Variants in CNKSR3 observed in about 807,000 individuals in gnomAD.
CNKSR3 encodes the protein connector enhancer of kinase suppressor of ras 3.
CNKSR3 carries 36 observed loss-of-function variants against 67.7 expected under a neutral mutation model. The ratio of observed to expected loss-of-function variants is 0.53; its 90% CI spans 0.41 to 0.70. The LOEUF (loss-of-function observed/expected upper bound fraction) is 0.70, where lower values mean the gene tolerates loss of function less well. CNKSR3 is among the 30% of genes least tolerant of loss of function. The probability of loss-of-function intolerance (pLI) is 0.00; values close to 1 mark genes in which losing one functional copy is unlikely to be tolerated. For synonymous variants in CNKSR3, 281 were observed against 271.4 expected (o/e 1.04, Z -0.35); for missense variants, 630 against 695.2 (o/e 0.91, Z 1.05).
chr6:154,450,759 C>A (rs1785810192), intron 1 of CNKSR3, among the ~76,000 whole-genome samples: 1 of 152,180 alleles, frequency 6.6e-6, no homozygotes, highest in Non-Finnish European at 1.5e-5. Context: ...CAATCAGAAT[C>A]TTCCTTGATA....
chr6:154,510,343 CCCG>C lies in CNKSR3; in HGVS notation c.-232_-230del. On this transcript the variant is annotated 5_prime_UTR_variant, in exon 1 of 13. Coordinates refer to ENST00000607772, the MANE Select transcript of CNKSR3 (RefSeq NM_173515.4). ...CAGTCCAGCTGCAGCTCCTCCTTCC[CCCG>C]CCGCCGCCGGGATCCCGGGCACAGC... 2.0e-5 allele frequency: 11 copies of C among 546,636 alleles called. No individual in the cohort carries two copies. The highest frequency in any genetic ancestry group is 4.4e-5 in the South Asian group (2 of 45,792). 33.9% of individuals were successfully genotyped at this position (546,636 alleles called of 1,614,324 possible).
chr6:154,447,526 A>C (rs977070694), intron 2 of CNKSR3, among the ~76,000 whole-genome samples: 2 of 152,172 alleles, frequency 1.3e-5, no homozygotes, highest in African/African-American at 4.8e-5. Context: ...AGCCAAAGTC[A>C]ATGTTCACAA....
chr6:154,496,771 G>A lies in CNKSR3; in HGVS notation c.52+13292C>T, dbSNP rs140746434. 8.6e-4 allele frequency among the ~76,000 whole-genome samples: 131 copies of A among 152,300 alleles called. 1 individual carries two copies. The East Asian group carries it at 0.018, about 21-fold the overall frequency. ...GATACACTATTCTCTAGAATTTTGA[G>A]TGGTAAGATTACAGGTTAAAATTAA... On this transcript the variant is annotated intron_variant, in intron 1 of 12. Transcript: ENST00000607772.
rs1784683459 is a variant in CNKSR3 at position 154,398,422 on chromosome 6, T to C, written c.*7932A>G. ...TCTCTCCCATAGCTTCTCTTTCCTTTTCACTTCCTGGACCTACCAAAGCCT... is the reference window on the plus strand; with the variant it reads ...TCTCTCCCATAGCTTCTCTTTCCTTCTCACTTCCTGGACCTACCAAAGCCT... On this transcript the variant is annotated 3_prime_UTR_variant, in exon 13 of 13. Transcript: ENST00000607772. 1 of 152,236 alleles carries C rather than the reference T, an allele frequency of 6.6e-6. No individual in the cohort carries two copies. The highest frequency in any genetic ancestry group is 2.4e-5 in the African/African-American group (1 of 41,458). 9.4% of individuals were successfully genotyped at this position (152,236 alleles called of 1,614,324 possible).
chr6:154,493,620 G>A (rs1486778497), intron 1 of CNKSR3, among the ~76,000 whole-genome samples: 1 of 152,170 alleles, frequency 6.6e-6, no homozygotes, highest in Non-Finnish European at 1.5e-5. Context: ...AAAACTACCT[G>A]AGACTGGGTA....
intron 1 of CNKSR3, among the ~76,000 whole-genome samples, chr6:154,497,633 A>C (rs1327088702): frequency 6.6e-6 from 1 of 152,236 alleles, no homozygotes; most frequent in Non-Finnish European, 1.5e-5. Context: ...TCAAAATGTC[A>C]TTCACAATAA....
chr6:154,450,002 G>C (rs1582870381), intron 2 of CNKSR3, 93 bp downstream of exon 2: 1 of 1,175,372 alleles, frequency 8.5e-7, no homozygotes, highest in East Asian at 2.5e-5. Context: ...ATTAAGGAAA[G>C]AGTGATATGC....
At chr6:154,498,266 T>A (rs901841505) in intron 1 of CNKSR3, among the ~76,000 whole-genome samples, 1 of 152,170 alleles carries the variant, frequency 6.6e-6, no homozygotes, top group African/African-American at 2.4e-5. Flanking sequence ...ACAGGTGCGC[T>A]TCTCACTGGA....
chr6:154,454,218 T>A, intron 1 of CNKSR3, among the ~76,000 whole-genome samples: 1 of 152,134 alleles, frequency 6.6e-6, no homozygotes, highest in African/African-American at 2.4e-5. Flanking sequence ...CTCAGCTGTC[T>A]CATTTGTAAA....
chr6:154,422,647 T>G lies in CNKSR3; in HGVS notation c.804A>C (p.Gly268=), dbSNP rs1362494086. The change falls in exon 9 of 13, where the codon GGA becomes GGC. Residue 268 remains glycine, a synonymous_variant. Coordinates refer to ENST00000607772, the MANE Select transcript of CNKSR3 (RefSeq NM_173515.4). ...TCTTCACCAGATTTTTCAGCTGCCA[T>G]CCCACCTTCAAAGAAAGCAAATGGG... ...VIQVNQQTVV[G]WQLKNLVKKL... is the part of the protein sequence containing the mutation. 6.2e-7 allele frequency: 1 copy of G among 1,613,104 alleles called. No homozygotes were observed. Among genetic ancestry groups the G allele is most frequent in the East Asian group, 2.2e-5 (1 of 44,886 alleles).
Position 154,442,239 on chromosome 6 carries a change from C to T in CNKSR3, c.268G>A (p.Ala90Thr), listed in dbSNP as rs1368919042. The change falls in exon 3 of 13, where the codon GCA becomes ACA. Residue 90 changes from alanine (A) to threonine (T), a missense_variant. Around this residue, in one of 3 missense-constraint regions of CNKSR3, gnomAD observed 189 missense variants for 205.0 expected, o/e 0.92. Transcript: ENST00000607772. ...NMKNLVLKLR[A>T]SSHNLQNYIS... ...TAATTCTGTAAATTGTGGGAAGATG[C>T]TCTCAGTTTCAGAACCAAGTTCTTC... 1.9e-6 allele frequency: 3 copies of T among 1,614,144 alleles called. No individual in the cohort carries two copies. Among genetic ancestry groups the T allele is most frequent in the Admixed American group, 1.7e-5 (1 of 60,020 alleles).
At chr6:154,422,280 C>T (rs1353220078) in intron 9 of CNKSR3, among the ~76,000 whole-genome samples, 4 of 152,176 alleles carry the variant, frequency 2.6e-5, no homozygotes, top group South Asian at 2.1e-4. Flanking sequence ...CGTGAGCCAC[C>T]GCGCCTGGCC....
At chr6:154,443,035 T>C (rs1249816080) in intron 2 of CNKSR3, among the ~76,000 whole-genome samples, 4 of 152,066 alleles carry the variant, frequency 2.6e-5, no homozygotes, top group African/African-American at 9.7e-5. Context: ...ATAGCTGGGA[T>C]TACAGGCGCG....
chr6:154,406,539 G>A lies in CNKSR3; in HGVS notation c.1483C>T (p.Arg495Trp), dbSNP rs769891155. ...CTTCCTCGGATGTAGTCCGCACCCC[G>A]GACCAGATGCCGCTCGGTCGTGGGT... ...SRPTTERHLV[R>W]GADYIRGSRC... is the part of the protein sequence containing the mutation. The change falls in exon 13 of 13, where the codon CGG (arginine) becomes TGG (tryptophan). Residue 495 changes from arginine to tryptophan, a missense_variant. By Grantham distance (101) the Arg-to-Trp change is moderately radical (BLOSUM62 -3). Transcript: ENST00000607772. 37 of 1,614,092 alleles carry A rather than the reference G, an allele frequency of 2.3e-5. No individual in the cohort carries two copies. In the African/African-American group the frequency reaches 3.1e-4, roughly 13 times the overall value.
chr6:154,482,018 C>T (rs1786577188), intron 1 of CNKSR3, among the ~76,000 whole-genome samples: 1 of 152,174 alleles, frequency 6.6e-6, no homozygotes, highest in African/African-American at 2.4e-5. Flanking sequence ...GTGACCCCTT[C>T]CAAAGAGTTC....
At chr6:154,441,412 G>A in intron 3 of CNKSR3, 33 bp from the exon 4 acceptor site, 4 of 1,524,500 alleles carry the variant, frequency 2.6e-6, no homozygotes, top group Non-Finnish European at 3.6e-6. Flanking sequence ...TTAAAAAGGG[G>A]TAGGGAGAAT....
At chr6:154,477,380 G>C (rs191025000) in intron 1 of CNKSR3, among the ~76,000 whole-genome samples, 5 of 151,740 alleles carry the variant, frequency 3.3e-5, no homozygotes, top group African/African-American at 1.2e-4. Context: ...GTACAATCTC[G>C]GCTCACTGCA....
intron 1 of CNKSR3, among the ~76,000 whole-genome samples, chr6:154,474,412 CAAAA>C (rs36085826): frequency 7.8e-6 from 1 of 128,190 alleles, no homozygotes; most frequent in African/African-American, 2.7e-5. Flanking sequence ...GACTCCGTCT[CAAAA>C]AAAAAAAAGT....
At chr6:154,474,423 A>C (rs1253296390) in intron 1 of CNKSR3, among the ~76,000 whole-genome samples, 3 of 131,550 alleles carry the variant, frequency 2.3e-5, no homozygotes, top group Non-Finnish European at 1.6e-5. Flanking sequence ...AAAAAAAAAA[A>C]AGTGGGGGGG....
Sources: allele counts gnomAD v4.1 joint callset (sites outside exome capture counted in the v4.1 genomes callset), GRCh38; gene constraint gnomAD v4.1.1; regional missense constraint gnomAD v4.1.1; transcripts MANE v1.5; gene names NCBI Gene and HGNC (gene_info 2026-07-23, HGNC 2026-07-21).